Variants in TMEM150B observed in about 807,000 individuals in gnomAD.
TMEM150B encodes transmembrane protein 150B.
In TMEM150B, 33 loss-of-function variants were observed where a neutral mutation model predicts 25.2. That is an observed-to-expected ratio of 1.31 (90% CI 0.99 to 1.75). TMEM150B has a LOEUF of 1.75. TMEM150B is among the 40% of genes most tolerant of loss of function. The pLI, the probability that TMEM150B is intolerant of heterozygous loss-of-function variation, is 0.00. For missense variants in TMEM150B, 322 were observed against 306.1 expected, an observed-to-expected ratio of 1.05 and a Z score of -0.39; for synonymous variants, 133 against 134.8, an observed-to-expected ratio of 0.99 and a Z score of 0.09.
At chr19:55,321,864 G>A (rs147348961) in intron 2 of TMEM150B, among the ~76,000 whole-genome samples, 68 of 152,206 alleles carry the variant, frequency 4.5e-4, no homozygotes, top group Non-Finnish European at 7.2e-4. Context: ...TCTGTTTTGG[G>A]GCTGGGAGAT....
Position 55,312,889 on chromosome 19 carries a change from G to A in TMEM150B, c.672C>T (p.Ala224=), listed in dbSNP as rs1169070443. The change falls in exon 8 of 8, where the codon GCC becomes GCT. Residue 224 remains alanine, a synonymous_variant. Transcript: ENST00000326652. ...QPWPSLSPPP[A]SPISLPVQL is the part of the protein sequence containing the mutation. ...GCTGGACCGGCAGGGAGATGGGGGA[G>A]GCCGGCGGGGGGCTGAGGCTGGGCC... 1.9e-6 allele frequency: 3 copies of A among 1,598,926 alleles called. No individual in the cohort carries two copies. The highest frequency in any genetic ancestry group is 1.1e-5 in the South Asian group (1 of 89,270).
chr19:55,311,329 A>G (rs1200054135), downstream of TMEM150B, among the ~76,000 whole-genome samples: 3 of 152,090 alleles, frequency 2.0e-5, no homozygotes, highest in Non-Finnish European at 4.4e-5. Context: ...CCTAGGCCCC[A>G]TGGAAATTGC....
At chr19:55,325,213 A>G (rs1004153013) in intron 1 of TMEM150B, 59 bp downstream of exon 1, 61 of 934,944 alleles carry the variant, frequency 6.5e-5, no homozygotes, top group Non-Finnish European at 1.9e-5. Context: ...CTGGGAGGAC[A>G]GGGGACAGGG....
At chr19:55,312,024 A>G, downstream of TMEM150B, 4 of 1,278,866 alleles carry the variant, frequency 3.1e-6, no homozygotes, top group Non-Finnish European at 3.0e-6. Flanking sequence ...AGGCCCCCCC[A>G]AGGACAAGAA....
At position 55,316,943 on chromosome 19, in the gene TMEM150B, G is replaced by A; in HGVS notation, c.348C>T (p.His116=). The part of the protein sequence containing the change: ...NFQEKNQRPT[H]LAGAFLAFIL... ...TGAAGGCAAGGAAGGCCCCTGCCAA[G>A]TGCGTAGGCCGCTGGTTCTTTTCCT... is the stretch of plus-strand genomic sequence containing the variant. Residue 116 remains histidine (H), a synonymous_variant, in exon 7 of 8, where the codon CAC becomes CAT. Transcript: ENST00000326652. 3.1e-6 allele frequency: 5 copies of A among 1,603,230 alleles called. No individual in the cohort carries two copies. Among genetic ancestry groups the A allele is most frequent in the Non-Finnish European group, 4.2e-6 (5 of 1,176,686 alleles).
intron 5 of TMEM150B, 43 bp from the exon 6 acceptor site, chr19:55,320,209 A>G: frequency 6.2e-7 from 1 of 1,602,240 alleles, no homozygotes; most frequent in Non-Finnish European, 8.5e-7. Flanking sequence ...AGACCCACCA[A>G]GAACTCCTGG....
chr19:55,312,533 C>CAAAAAAAAAAAAAAAAAAA (rs372052269), downstream of TMEM150B: 8 of 25,732 alleles, frequency 3.1e-4, no homozygotes, highest in Admixed American at 6.9e-4. Context: ...CCGCCGGCGG[C>CAAAAAAAAAAAAAAAAAAA]AAAAAAAAAA....
At chr19:55,314,204 T>C (rs1293634957) in intron 7 of TMEM150B, among the ~76,000 whole-genome samples, 1 of 152,128 alleles carries the variant, frequency 6.6e-6, no homozygotes, top group Non-Finnish European at 1.5e-5. Flanking sequence ...GTATTTTTAG[T>C]AGAGATAGAG....
intron 3 of TMEM150B, 96 bp from the exon 4 acceptor site, chr19:55,320,713 G>C (rs1173571383): frequency 4.1e-6 from 6 of 1,477,346 alleles, no homozygotes; most frequent in Non-Finnish European, 5.6e-6. Flanking sequence ...TCCACCCTCA[G>C]ACCAGGAGTC....
intron 5 of TMEM150B, 74 bp from the exon 6 acceptor site, chr19:55,320,240 G>T: frequency 6.4e-7 from 1 of 1,568,154 alleles, no homozygotes; most frequent in East Asian, 2.3e-5. Flanking sequence ...GGGAAGTGAG[G>T]GGAGCAAGGT....
At chr19:55,318,117 T>C (rs2089066792) in intron 6 of TMEM150B, among the ~76,000 whole-genome samples, 1 of 152,036 alleles carries the variant, frequency 6.6e-6, no homozygotes. Flanking sequence ...TCCCAACACT[T>C]AGGGAGGCCA....
Position 55,320,183 on chromosome 19 carries a change from G to A in TMEM150B, c.197-17C>T, listed in dbSNP as rs1243491580. On this transcript the variant is annotated splice_polypyrimidine_tract_variant and intron_variant, in intron 5 of 7. Transcript: ENST00000326652. The stretch of plus-strand genomic sequence containing the variant: ...TCCACGCGGCTGGGAGTAGAGGGGA[G>A]AAGGAAGTGGGAGGGAGACCCACCA... 7.4e-6 allele frequency: 12 copies of A among 1,612,564 alleles called. No homozygotes were observed. The highest frequency in any genetic ancestry group is 3.3e-4 in the Middle Eastern group (2 of 6,052).
rs2123155634 is a variant in TMEM150B at position 55,324,923 on chromosome 19, G to A, written c.-154+349C>T. On this transcript the variant is annotated intron_variant, in intron 1 of 7. Coordinates refer to ENST00000326652, the MANE Select transcript of TMEM150B (RefSeq NM_001282011.2). Reference sequence around the variant, plus strand: ...GCTCCTCTAAAGGAAGTCACACAAAGCTATGAGGGAGCCCAGGGGAGGGAG... The same window carrying A: ...GCTCCTCTAAAGGAAGTCACACAAAACTATGAGGGAGCCCAGGGGAGGGAG... 3 of 982,082 alleles carry A rather than the reference G, an allele frequency of 3.1e-6. No individual in the cohort carries two copies. The South Asian group carries it at 1.4e-4, about 46-fold the overall frequency. 60.8% of individuals were successfully genotyped at this position (982,082 alleles called of 1,614,324 possible).
At chr19:55,313,977 A>G (rs2088904805) in intron 7 of TMEM150B, among the ~76,000 whole-genome samples, 1 of 152,032 alleles carries the variant, frequency 6.6e-6, no homozygotes, top group Non-Finnish European at 1.5e-5. Flanking sequence ...AGGTGGGAGG[A>G]TTGCCTGAGG....
chr19:55,319,688 G>C, intron 6 of TMEM150B: 1 of 1,028,932 alleles, frequency 9.7e-7, no homozygotes, highest in Non-Finnish European at 1.2e-6. Context: ...CACCTCAGGC[G>C]ATCCGCCTGC....
chr19:55,319,931 G>T (rs752325090), intron 6 of TMEM150B, 108 bp downstream of exon 6: 1 of 1,543,718 alleles, frequency 6.5e-7, no homozygotes. Context: ...CAGGAGGGCC[G>T]GGCGGGAACC....
chr19:55,322,333 G>C (rs890926523), intron 2 of TMEM150B, among the ~76,000 whole-genome samples: 1 of 152,146 alleles, frequency 6.6e-6, no homozygotes, highest in African/African-American at 2.4e-5. Flanking sequence ...AGGAGAATGA[G>C]AGGGGCTGAA....
At chr19:55,325,235 C>T (rs927854964) in intron 1 of TMEM150B, 37 bp downstream of exon 1, 52 of 980,390 alleles carry the variant, frequency 5.3e-5, no homozygotes, top group Non-Finnish European at 6.1e-5. Flanking sequence ...TCCAGCCTGC[C>T]GAGCTACTTT....
intron 2 of TMEM150B, among the ~76,000 whole-genome samples, chr19:55,321,956 G>C (rs1354827439): frequency 1.3e-5 from 2 of 152,084 alleles, no homozygotes; most frequent in Admixed American, 6.6e-5. Flanking sequence ...AGTTCCCCAG[G>C]CAGGCTGAGC....
Sources: gnomAD v4.1 joint callset for allele counts (sites outside exome capture counted in the v4.1 genomes callset) on GRCh38, gnomAD v4.1.1 for gene constraint, MANE v1.5 for transcripts, NCBI Gene and HGNC (gene_info 2026-07-23, HGNC 2026-07-21) for gene names.